Variants in EIF3E observed in about 807,000 individuals in gnomAD.
EIF3E encodes the protein eIF-3 p48.
In EIF3E, 25 loss-of-function variants were observed where a neutral mutation model predicts 59.3. The observed-to-expected ratio is 0.42, with a 90% confidence interval of 0.31 to 0.59. The LOEUF is 0.59. EIF3E is among the 20% of genes least tolerant of loss of function. The pLI is 0.15. For synonymous variants in EIF3E, 176 were observed against 170.2 expected, an observed-to-expected ratio of 1.03 and a Z score of -0.26; for missense variants, 317 against 534.3, an observed-to-expected ratio of 0.59 and a Z score of 4.01.
intron 1 of EIF3E, chr8:108,242,778 A>T: frequency 1.8e-6 from 1 of 550,442 alleles, no homozygotes; most frequent in Non-Finnish European, 2.4e-6. Context: ...CCAAATGGCC[A>T]ACAGACACAT....
At chr8:108,218,393 C>T (rs1815342983) in intron 7 of EIF3E, among the ~76,000 whole-genome samples, 1 of 152,106 alleles carries the variant, frequency 6.6e-6, no homozygotes, top group Admixed American at 6.6e-5. Flanking sequence ...TTCTAAGTTC[C>T]CCCAGGCAAT....
intron 10 of EIF3E, among the ~76,000 whole-genome samples, chr8:108,209,875 T>C (rs1451398951): frequency 6.6e-6 from 1 of 152,146 alleles, no homozygotes; most frequent in Non-Finnish European, 1.5e-5. Context: ...ATCCTTGTGA[T>C]AGAAATGTTC....
chr8:108,240,186 T>G (rs1479229574), intron 2 of EIF3E, 111 bp from the exon 3 acceptor site: 1 of 858,138 alleles, frequency 1.2e-6, no homozygotes, highest in Non-Finnish European at 2.0e-6. Flanking sequence ...CATATATTTA[T>G]TTACCCCCAA....
intron 1 of EIF3E, among the ~76,000 whole-genome samples, chr8:108,246,086 A>T (rs1815942238): frequency 6.6e-6 from 1 of 152,206 alleles, no homozygotes; most frequent in Non-Finnish European, 1.5e-5. Context: ...TTAAGTTAGC[A>T]TATACAGTGT....
chr8:108,227,731 A>G (rs1815541694), intron 7 of EIF3E: 1 of 152,260 alleles, frequency 6.6e-6, no homozygotes, highest in Admixed American at 6.5e-5. Flanking sequence ...AATAATGGGC[A>G]GAAGTTTCAG....
In EIF3E at chr8:108,201,250, C is replaced by CATATATATATACATATATATATAT. The variant is rs1814989030; in HGVS notation, c.*634_*635insATATATATATATGTATATATATAT. 8.1e-6 allele frequency: 1 copy of CATATATATATACATATATATATAT among 122,892 alleles called. No individual in the cohort carries two copies. The highest frequency in any genetic ancestry group is 1.7e-5 in the Non-Finnish European group (1 of 60,064). The allele number at this position is 122,892 out of a possible 1,614,324, so 7.6% of individuals were successfully genotyped here. On this transcript the variant is annotated 3_prime_UTR_variant, in exon 13 of 13. Transcript: ENST00000220849. Reference sequence around the variant, plus strand: ...AATAAAAAAGGAATTAACTACTGATCATATATATATATATATCTATCTCTC... The same window carrying CATATATATATACATATATATATAT: ...AATAAAAAAGGAATTAACTACTGATCATATATATATACATATATATATATATATATATATATATATCTATCTCTC...
chr8:108,233,836 CAAAAAAAAAAAAAAAA>C (rs35065360), intron 5 of EIF3E, among the ~76,000 whole-genome samples: 6 of 74,022 alleles, frequency 8.1e-5, no homozygotes, highest in African/African-American at 2.2e-4. Flanking sequence ...GACCCTGTCT[CAAAAAAAAAAAAAAAA>C]AAAAAAAAAA....
intron 1 of EIF3E, among the ~76,000 whole-genome samples, chr8:108,243,767 T>C (rs1185079004): frequency 6.6e-6 from 1 of 152,174 alleles, no homozygotes; most frequent in Non-Finnish European, 1.5e-5. Flanking sequence ...TTTATATTTG[T>C]GTACTTGTAT....
At chr8:108,210,190 T>C (rs759906235) in intron 10 of EIF3E, among the ~76,000 whole-genome samples, 2 of 152,150 alleles carry the variant, frequency 1.3e-5, no homozygotes, top group Non-Finnish European at 2.9e-5. Flanking sequence ...TATTACTTTT[T>C]AGAGTTTCCC....
intron 10 of EIF3E, among the ~76,000 whole-genome samples, chr8:108,207,747 C>T (rs1298709342): frequency 6.6e-6 from 1 of 152,164 alleles, no homozygotes; most frequent in Non-Finnish European, 1.5e-5. Context: ...CAAAACACAA[C>T]ATCGAATATG....
intron 10 of EIF3E, among the ~76,000 whole-genome samples, chr8:108,207,650 G>T (rs1815128324): frequency 6.6e-6 from 1 of 152,138 alleles, no homozygotes. Flanking sequence ...TCTGTAGGCA[G>T]CTTAAGGTAG....
At chr8:108,217,276 G>T in intron 8 of EIF3E, 58 bp downstream of exon 8, 2 of 1,319,954 alleles carry the variant, frequency 1.5e-6, no homozygotes, top group South Asian at 1.5e-5. Flanking sequence ...TAGAAAAAGA[G>T]GTTAGACCTA....
At chr8:108,216,640 C>T in intron 8 of EIF3E, 127 bp from the exon 9 acceptor site, 2 of 673,318 alleles carry the variant, frequency 3.0e-6, no homozygotes, top group Non-Finnish European at 5.1e-6. Flanking sequence ...TACCTAGCAT[C>T]TTCCCAAAAC....
intron 1 of EIF3E, among the ~76,000 whole-genome samples, 175 bp downstream of exon 1, chr8:108,248,438 G>T (rs776361276): frequency 1.1e-4 from 17 of 152,044 alleles, no homozygotes; most frequent in Non-Finnish European, 2.2e-4. Context: ...CGAATAGTGC[G>T]GTGCTTCTTA....
Position 108,201,696 on chromosome 8 carries a change from A to G in EIF3E, c.*189T>C, listed in dbSNP as rs1239816546. The G allele has an allele frequency of 2.0e-6, 1 of 502,632 alleles. No individual in the cohort carries two copies. The highest frequency in any genetic ancestry group is 3.3e-6 in the Non-Finnish European group (1 of 302,220). The allele number at this position is 502,632 out of a possible 1,614,324, so 31.1% of individuals were successfully genotyped here. A position where few individuals can be genotyped will look rare whatever the true frequency, so the allele number is the denominator to read the frequency against. On this transcript the variant is annotated 3_prime_UTR_variant, in exon 13 of 13. Coordinates refer to ENST00000220849, the MANE Select transcript of EIF3E (RefSeq NM_001568.3). Reference sequence around the variant, plus strand: ...TGAATATAATTATTCCAAAAAAGAAAGTTAAAAAAACACAAACTTGCACAT... The same window carrying G: ...TGAATATAATTATTCCAAAAAAGAAGGTTAAAAAAACACAAACTTGCACAT...
At chr8:108,227,622 T>A (rs1250337540) in intron 7 of EIF3E, 7 of 152,200 alleles carry the variant, frequency 4.6e-5, no homozygotes, top group African/African-American at 1.4e-4. Context: ...CTAGAGATAT[T>A]TAGCCTGAAG....
chr8:108,230,987 A>T (rs1186794101), intron 5 of EIF3E, among the ~76,000 whole-genome samples: 1 of 152,188 alleles, frequency 6.6e-6, no homozygotes, highest in Non-Finnish European at 1.5e-5. Flanking sequence ...AGGGACAGAA[A>T]GCAGGTCAAT....
chr8:108,247,260 C>T (rs775499114), intron 1 of EIF3E, among the ~76,000 whole-genome samples: 1 of 151,988 alleles, frequency 6.6e-6, no homozygotes, highest in Non-Finnish European at 1.5e-5. Context: ...ATAAAGAACA[C>T]AAAAATATAT....
chr8:108,202,045 G>T, intron 12 of EIF3E, 122 bp from the exon 13 acceptor site: 1 of 816,948 alleles, frequency 1.2e-6, no homozygotes, highest in Non-Finnish European at 1.8e-6. Flanking sequence ...ACCATTCTAA[G>T]ATCTTAACTC....
Sources: gnomAD v4.1 joint callset for allele counts (sites outside exome capture counted in the v4.1 genomes callset) on GRCh38, gnomAD v4.1.1 for gene constraint, MANE v1.5 for transcripts, NCBI Gene and HGNC (gene_info 2026-07-23, HGNC 2026-07-21) for gene names.